RBFOX1: variants seen among roughly 807,000 people sequenced by gnomAD.
The protein encoded by RBFOX1 is RNA binding protein fox-1 homolog 1.
Under a neutral mutation model 57.7 loss-of-function variants are expected in RBFOX1, and 8 were observed. The observed-to-expected ratio is 0.14, with a 90% CI of 0.08 to 0.25. The LOEUF (loss-of-function observed/expected upper bound fraction) is 0.25. Ranked by LOEUF, RBFOX1 falls within the 10% of genes least tolerant of loss-of-function variation. The pLI is 1.00. For missense variants in RBFOX1, 611 were observed against 548.5 expected (o/e 1.11, Z -1.14); for synonymous variants, 326 against 222.4 (o/e 1.47, Z -4.15).
intron 1 of RBFOX1, among the ~76,000 whole-genome samples, chr16:6,292,161 G>C (rs2077536437): frequency 2.0e-5 from 3 of 152,318 alleles, no homozygotes; most frequent in South Asian, 2.1e-4. Context: ...TTGGGAGGAT[G>C]AGTTGGGAGG....
chr16:6,765,939 A>G (rs1378553100), intron 3 of RBFOX1, among the ~76,000 whole-genome samples: 1 of 152,160 alleles, frequency 6.6e-6, no homozygotes, highest in African/African-American at 2.4e-5. Flanking sequence ...ATGAGGATGC[A>G]AAGGTATACA....
intron 4 of RBFOX1, among the ~76,000 whole-genome samples, chr16:7,243,134 C>T (rs886515699): frequency 4.6e-5 from 7 of 152,042 alleles, no homozygotes; most frequent in African/African-American, 1.7e-4. Flanking sequence ...TGAATGTTTT[C>T]ATTAAAATTG....
chr16:5,755,145 C>G (rs892469657), intron 3 of RBFOX1, among the ~76,000 whole-genome samples: 19 of 114,340 alleles, frequency 1.7e-4, no homozygotes, highest in Non-Finnish European at 3.2e-4. Flanking sequence ...ATCTGTTTAA[C>G]AAAGCACATC....
At chr16:6,793,136 G>C (rs1046099322) in intron 3 of RBFOX1, among the ~76,000 whole-genome samples, 2 of 151,998 alleles carry the variant, frequency 1.3e-5, no homozygotes, top group African/African-American at 4.8e-5. Flanking sequence ...CACCAGATTT[G>C]GGTATTATTT....
At position 5,606,913 on chromosome 16, in the gene RBFOX1, A is replaced by G. The variant is rs987111804; in HGVS notation, c.318+7952A>G. On this transcript the variant is annotated intron_variant, in intron 3 of 19. Transcript: ENST00000641259. ...TCAGGGGTTGGCGGGAGAAGCAGGCATGCCCCAGTGCTCCATAGTAGTTAA... is the reference window on the plus strand; with the variant it reads ...TCAGGGGTTGGCGGGAGAAGCAGGCGTGCCCCAGTGCTCCATAGTAGTTAA... Among the ~76,000 whole-genome samples the G allele has an allele frequency of 2.0e-5, 3 of 152,174 alleles. No individual in the cohort carries two copies. In the South Asian group the frequency reaches 6.2e-4, roughly 32 times the overall value.
At chr16:6,769,332 C>T (rs535479627) in intron 3 of RBFOX1, among the ~76,000 whole-genome samples, 17 of 152,236 alleles carry the variant, frequency 1.1e-4, no homozygotes, top group African/African-American at 3.9e-4. Flanking sequence ...AACTGTAAGT[C>T]TATTAAAGGT....
intron 3 of RBFOX1, among the ~76,000 whole-genome samples, chr16:6,739,380 C>G (rs1375238272): frequency 1.3e-5 from 2 of 152,084 alleles, no homozygotes; most frequent in Non-Finnish European, 2.9e-5. Flanking sequence ...TAAACCAATT[C>G]TCTTGAAAAG....
intron 2 of RBFOX1, among the ~76,000 whole-genome samples, chr16:6,332,619 G>T (rs1031299490): frequency 5.3e-5 from 8 of 152,248 alleles, no homozygotes; most frequent in African/African-American, 1.9e-4. Flanking sequence ...ACACACACAT[G>T]CACACACATA....
intron 4 of RBFOX1, among the ~76,000 whole-genome samples, chr16:7,350,204 T>C (rs2097102556): frequency 6.6e-6 from 1 of 152,040 alleles, no homozygotes; most frequent in South Asian, 2.1e-4. Context: ...TTTTAGATAG[T>C]TGAAACAGGA....
At chr16:6,421,184 G>A (rs2093762044) in intron 2 of RBFOX1, among the ~76,000 whole-genome samples, 1 of 152,180 alleles carries the variant, frequency 6.6e-6, no homozygotes, top group African/African-American at 2.4e-5. Flanking sequence ...GGAATCCCAG[G>A]CTACCCTGAT....
At chr16:6,047,751 C>T (rs930558856) in intron 1 of RBFOX1, among the ~76,000 whole-genome samples, 1 of 152,182 alleles carries the variant, frequency 6.6e-6, no homozygotes, top group African/African-American at 2.4e-5. Flanking sequence ...CTACTTACTA[C>T]GTTCAGACTT....
At chr16:7,321,071 C>CTATACATATACATATACATATACA (rs1555708875) in intron 4 of RBFOX1, among the ~76,000 whole-genome samples, 8 of 72,946 alleles carry the variant, frequency 1.1e-4, no homozygotes, top group Non-Finnish European at 2.2e-4. Flanking sequence ...ATCTGTCTAT[C>CTATACATATACATATACATATACA]TATACGTATA....
At chr16:5,997,741 G>A (rs1215978127) in intron 4 of RBFOX1, among the ~76,000 whole-genome samples, 5 of 152,160 alleles carry the variant, frequency 3.3e-5, no homozygotes, top group African/African-American at 7.2e-5. Flanking sequence ...CCTCATTCCC[G>A]TAAAAGTTTC....
chr16:7,281,035 C>G (rs796445916), intron 4 of RBFOX1, among the ~76,000 whole-genome samples: 15 of 132,268 alleles, frequency 1.1e-4, no homozygotes, highest in African/African-American at 3.9e-4. Flanking sequence ...CAGAGTGAGT[C>G]TCCTTCACCC....
chr16:6,013,645 C>A lies in RBFOX1; in HGVS notation c.351+146310C>A, dbSNP rs1267084735. Reference sequence around the variant, plus strand: ...GCCAGCTCTGTGAGGTTGGGCAAGACACTGAATTTCCTCCTTTCAAGCTTT... The same window carrying A: ...GCCAGCTCTGTGAGGTTGGGCAAGAAACTGAATTTCCTCCTTTCAAGCTTT... On this transcript the variant is annotated intron_variant, in intron 4 of 19. Coordinates refer to the RBFOX1 transcript ENST00000641259. Among the ~76,000 whole-genome samples the A allele has an allele frequency of 2.0e-5, 3 of 152,188 alleles. No homozygotes were observed. The South Asian group carries it at 6.2e-4, about 32-fold the overall frequency.
chr16:6,592,389 G>A (rs551358284), intron 2 of RBFOX1, among the ~76,000 whole-genome samples: 11 of 152,222 alleles, frequency 7.2e-5, no homozygotes, highest in African/African-American at 2.4e-4. Context: ...TCATAATTAG[G>A]GAGAATATTT....
intron 2 of RBFOX1, among the ~76,000 whole-genome samples, chr16:6,628,348 C>G (rs896023692): frequency 2.6e-5 from 4 of 152,180 alleles, no homozygotes; most frequent in South Asian, 2.1e-4. Context: ...TATGTCCCAA[C>G]AGCAGGATGT....
Position 6,648,935 on chromosome 16 carries a change from T to A in RBFOX1, c.-63-5668T>A, listed in dbSNP as rs1030438502. On this transcript the variant is annotated intron_variant, in intron 2 of 15. Transcript: ENST00000550418. ...TAAATAGAGCCAATATCATATACAT[T>A]ACCTCACAACGTCATTTTTTTGTGG... Among the ~76,000 whole-genome samples, 10 of 152,174 alleles carry A rather than the reference T, an allele frequency of 6.6e-5. 1 individual carries two copies. Among genetic ancestry groups the A allele is most frequent in the Admixed American group, 6.6e-5 (1 of 15,266 alleles).
chr16:5,659,745 T>G (rs2049584971), intron 3 of RBFOX1, among the ~76,000 whole-genome samples: 1 of 152,202 alleles, frequency 6.6e-6, no homozygotes, highest in Non-Finnish European at 1.5e-5. Context: ...AAGAGTTTCG[T>G]CCAGTTACCA....
Sources: allele counts gnomAD v4.1 joint callset (sites outside exome capture counted in the v4.1 genomes callset), GRCh38; gene constraint gnomAD v4.1.1; transcripts MANE v1.5; gene names NCBI Gene and HGNC (gene_info 2026-07-23, HGNC 2026-07-21).